The following M1AP variants were observed in gnomAD, a reference collection of about 807,000 sequenced individuals.
M1AP encodes meiosis 1 arrest protein.
In M1AP, 39 loss-of-function variants were observed where a neutral mutation model predicts 51.2. The ratio of observed to expected loss-of-function variants is 0.76; its 90% confidence interval spans 0.59 to 1.00. M1AP has a LOEUF of 1.00. Ranked by LOEUF, M1AP falls within the 50% of genes least tolerant of loss-of-function variation. M1AP has a pLI of 0.00. For synonymous variants in M1AP, 251 were observed against 249.2 expected, an observed-to-expected ratio of 1.01 and a Z score of -0.07; for missense variants, 545 against 641.2, an observed-to-expected ratio of 0.85 and a Z score of 1.62.
chr2:74,623,099 T>G (rs1041119277), intron 2 of M1AP, among the ~76,000 whole-genome samples: 1 of 152,104 alleles, frequency 6.6e-6, no homozygotes, highest in Non-Finnish European at 1.5e-5. Flanking sequence ...AATACAAACT[T>G]ACTTCCTAAA....
chr2:74,580,164 T>G (rs577036960), intron 5 of M1AP, among the ~76,000 whole-genome samples: 4 of 152,332 alleles, frequency 2.6e-5, no homozygotes, highest in Admixed American at 6.5e-5. Flanking sequence ...GATAGCATCT[T>G]AGATTCAATG....
At chr2:74,592,729 C>T (rs1235801127) in intron 4 of M1AP, among the ~76,000 whole-genome samples, 1 of 152,090 alleles carries the variant, frequency 6.6e-6, no homozygotes, top group African/African-American at 2.4e-5. Flanking sequence ...TTTATCTATG[C>T]TGAGATTGTA....
intron 4 of M1AP, among the ~76,000 whole-genome samples, chr2:74,583,228 T>TA (rs1382172424): frequency 6.6e-6 from 1 of 152,094 alleles, no homozygotes; most frequent in Non-Finnish European, 1.5e-5. Context: ...CTACTTGTTA[T>TA]AAAAAATTAA....
chr2:74,631,295 G>A (rs1214090146), intron 2 of M1AP, among the ~76,000 whole-genome samples: 1 of 151,918 alleles, frequency 6.6e-6, no homozygotes, highest in Non-Finnish European at 1.5e-5. Flanking sequence ...TGATTAGGAA[G>A]GCCTGTATTT....
intron 2 of M1AP, among the ~76,000 whole-genome samples, chr2:74,622,563 T>TTTC (rs11447016): frequency 7.4e-6 from 1 of 135,242 alleles, no homozygotes; most frequent in African/African-American, 2.9e-5. Context: ...TTTTTTTTTT[T>TTTC]CTATTTTTAA....
At chr2:74,623,750 C>T (rs1016958200) in intron 2 of M1AP, among the ~76,000 whole-genome samples, 15 of 152,188 alleles carry the variant, frequency 9.9e-5, no homozygotes, top group African/African-American at 3.4e-4. Context: ...TGATTCACTG[C>T]AGCCTCAAAC....
chr2:74,569,810 A>G (rs1486180055), intron 7 of M1AP, among the ~76,000 whole-genome samples: 1 of 152,240 alleles, frequency 6.6e-6, no homozygotes, highest in East Asian at 1.9e-4. Flanking sequence ...GTCAATTTAT[A>G]ATATATGGCT....
chr2:74,567,748 T>C (rs1191615333), intron 7 of M1AP, among the ~76,000 whole-genome samples: 1 of 152,226 alleles, frequency 6.6e-6, no homozygotes. Flanking sequence ...CTCCAAAGAA[T>C]GCTGCCAAAA....
intron 8 of M1AP, 125 bp downstream of exon 8, chr2:74,562,092 T>C (rs1558644628): frequency 6.9e-7 from 1 of 1,452,602 alleles, no homozygotes; most frequent in Non-Finnish European, 9.1e-7. Flanking sequence ...CTTTCTCTTC[T>C]TACTCTCTTA....
intron 3 of M1AP, among the ~76,000 whole-genome samples, chr2:74,609,171 T>C (rs566568101): frequency 6.6e-6 from 1 of 152,312 alleles, no homozygotes; most frequent in South Asian, 2.1e-4. Context: ...TTCCTCCTAA[T>C]TGTAACTTTG....
At chr2:74,571,381 G>A (rs1159836995) in intron 7 of M1AP, among the ~76,000 whole-genome samples, 2 of 152,126 alleles carry the variant, frequency 1.3e-5, no homozygotes, top group Admixed American at 1.3e-4. Context: ...GAAGTTGGCT[G>A]GAGGGGAACA....
intron 1 of M1AP, 137 bp downstream of exon 1, chr2:74,648,128 C>G (rs562817726): frequency 1.0e-6 from 1 of 977,548 alleles, no homozygotes; most frequent in African/African-American, 1.8e-5. Context: ...CAGTCTTGCG[C>G]CGGCACCCGC....
intron 1 of M1AP, among the ~76,000 whole-genome samples, chr2:74,647,761 G>A (rs568647254): frequency 6.6e-6 from 1 of 152,186 alleles, no homozygotes; most frequent in Non-Finnish European, 1.5e-5. Context: ...AGGCGTGGTG[G>A]CGGGAGCCTG....
At position 74,613,105 on chromosome 2, in the gene M1AP, T is replaced by G. The variant is rs927339235; in HGVS notation, c.426+1859A>C. ...CAGACATTCTTCACATCTATTACAA[T>G]GTTTTTGATCTCTAGCACCTTTTTT... On this transcript the variant is annotated intron_variant, in intron 3 of 10. Coordinates refer to ENST00000421985, the MANE Select transcript of M1AP (RefSeq NM_001321739.2). Among the ~76,000 whole-genome samples the G allele has an allele frequency of 5.9e-5, 9 of 152,324 alleles. No individual in the cohort carries two copies. The East Asian group carries it at 1.7e-3, about 29-fold the overall frequency.
At chr2:74,634,247 T>A (rs923928975) in intron 2 of M1AP, among the ~76,000 whole-genome samples, 1 of 152,112 alleles carries the variant, frequency 6.6e-6, no homozygotes, top group Non-Finnish European at 1.5e-5. Context: ...ACAAATACCT[T>A]GTATATTTGT....
chr2:74,615,176 C>G lies in M1AP; in HGVS notation c.241-27G>C, dbSNP rs779570948. 2.5e-6 allele frequency: 4 copies of G among 1,602,842 alleles called. No individual in the cohort carries two copies. In the South Asian group the frequency reaches 4.4e-5, roughly 18 times the overall value. On this transcript the variant is annotated intron_variant, in intron 2 of 10. Coordinates refer to ENST00000421985, the MANE Select transcript of M1AP (RefSeq NM_001321739.2). The stretch of plus-strand genomic sequence containing the variant: ...TGCAGAGAAAAACGAATCAAAGACA[C>G]AAGTCTTTAGGGACCAGGTTTCAGA...
intron 4 of M1AP, among the ~76,000 whole-genome samples, chr2:74,604,801 C>A (rs556600076): frequency 1.3e-5 from 2 of 152,060 alleles, no homozygotes; most frequent in African/African-American, 2.4e-5. Context: ...TTTTTCAGTA[C>A]GTAAATATCA....
intron 2 of M1AP, among the ~76,000 whole-genome samples, chr2:74,631,005 A>G (rs1166342171): frequency 6.6e-6 from 1 of 152,070 alleles, no homozygotes; most frequent in African/African-American, 2.4e-5. Context: ...TCTGCAATTG[A>G]TCGTAATTCT....
chr2:74,611,883 T>TG (rs1681371911), intron 3 of M1AP, among the ~76,000 whole-genome samples: 1 of 8,430 alleles, frequency 1.2e-4, no homozygotes, highest in African/African-American at 5.0e-4. Context: ...CAAAAAAGTG[T>TG]TTTTTTTTTT....
Sources: allele counts gnomAD v4.1 joint callset (sites outside exome capture counted in the v4.1 genomes callset), GRCh38; gene constraint gnomAD v4.1.1; transcripts MANE v1.5; gene names NCBI Gene and HGNC (gene_info 2026-07-23, HGNC 2026-07-21).